MROH7: variants seen among roughly 807,000 people sequenced by gnomAD.
The protein encoded by MROH7 is maestro heat-like repeat-containing protein family member 7.
In MROH7, 113 loss-of-function variants were observed where a neutral mutation model predicts 129.2. The observed-to-expected ratio is 0.87, with a 90% CI of 0.75 to 1.02. MROH7 has a LOEUF of 1.02. Among genes scored for constraint, MROH7 ranks in the 50% least tolerant of loss-of-function variants. The pLI, the probability that MROH7 is intolerant of heterozygous loss-of-function variation, is 0.00. For synonymous variants in MROH7, 655 were observed against 667.9 expected (o/e 0.98, Z 0.30); for missense variants, 1,601 against 1,671.3 (o/e 0.96, Z 0.73).
chr1:54,682,504 C>G (rs1035228122), intron 13 of MROH7, 152 bp from the exon 14 acceptor site: 11 of 730,540 alleles, frequency 1.5e-5, no homozygotes, highest in Non-Finnish European at 2.3e-5. Flanking sequence ...GCCCCTGACT[C>G]TTTGGGAGTG....
chr1:54,687,542 A>G (rs1214422556), intron 15 of MROH7, among the ~76,000 whole-genome samples: 1 of 152,184 alleles, frequency 6.6e-6, no homozygotes, highest in Non-Finnish European at 1.5e-5. Context: ...TGTACATGTG[A>G]TTTTATATGT....
rs376187973 is a variant in MROH7 at position 54,701,963 on chromosome 1, G to C, written c.3286-127G>C. ...TCAGGTGCCTTTTAGGTTAGTGGGGGTCTGGCTGGGAAGAGTCGGGAGAGT... is the reference window on the plus strand; with the variant it reads ...TCAGGTGCCTTTTAGGTTAGTGGGGCTCTGGCTGGGAAGAGTCGGGAGAGT... On this transcript the variant is annotated intron_variant, in intron 19 of 23. Coordinates refer to ENST00000421030, the MANE Select transcript of MROH7 (RefSeq NM_001039464.4). 3.0e-5 allele frequency: 23 copies of C among 770,646 alleles called. No individual in the cohort carries two copies. In the South Asian group the frequency reaches 6.3e-4, roughly 21 times the overall value. 47.7% of individuals were successfully genotyped at this position (770,646 alleles called of 1,614,324 possible).
chr1:54,670,469 A>G (rs762740380), intron 5 of MROH7, 28 bp from the exon 6 acceptor site: 11 of 1,607,964 alleles, frequency 6.8e-6, no homozygotes, highest in South Asian at 3.3e-5. Context: ...CCCTGTCCTC[A>G]TCGGCCCTTC....
At chr1:54,709,825 G>A in intron 23 of MROH7, 121 bp from the exon 24 acceptor site, 1 of 1,178,032 alleles carries the variant, frequency 8.5e-7, no homozygotes, top group Non-Finnish European at 1.2e-6. Flanking sequence ...AGGAAAGTGA[G>A]ATGAGGGGAT....
intron 13 of MROH7, 43 bp from the exon 14 acceptor site, chr1:54,682,612 AC>A (rs1557713751): frequency 1.3e-6 from 2 of 1,581,322 alleles, no homozygotes; most frequent in South Asian, 2.3e-5. Flanking sequence ...GGTTAGCCCC[AC>A]TGCCTTGGCC....
In MROH7 at chr1:54,708,417, A is replaced by AAAACAAACAAACAAAC. The variant is rs55969302; in HGVS notation, c.3668-586_3668-571dup. Among the ~76,000 whole-genome samples the AAAACAAACAAACAAAC allele has an allele frequency of 2.5e-3, 380 of 150,672 alleles. 2 individuals carry two copies. The highest frequency in any genetic ancestry group is 7.7e-3 in the African/African-American group (313 of 40,896). ...ACTCCAGTCTGGGCAACACTGTCTAAAAACAAACAAACAAACAAACAAACA... is the reference window on the plus strand; with the variant it reads ...ACTCCAGTCTGGGCAACACTGTCTAAAAACAAACAAACAAACAAACAAACAAACAAACAAACAAACA... On this transcript the variant is annotated intron_variant, in intron 22 of 23. Coordinates refer to ENST00000421030, the MANE Select transcript of MROH7 (RefSeq NM_001039464.4).
At chr1:54,651,461 T>C (rs11206406) in intron 1 of MROH7, 12,260 of 152,414 alleles carry the variant, frequency 0.08, 607 homozygotes, top group Middle Eastern at 0.19. Flanking sequence ...GGAGTGGAGA[T>C]GGATGCCCAG....
intron 20 of MROH7, 52 bp downstream of exon 20, chr1:54,702,297 C>T (rs560275152): frequency 1.3e-4 from 175 of 1,351,320 alleles, no homozygotes; most frequent in East Asian, 7.2e-4. Context: ...GTCCTGTGGG[C>T]GCACCTCTTT....
intron 3 of MROH7, 62 bp downstream of exon 3, chr1:54,654,219 C>G: frequency 6.9e-7 from 1 of 1,456,910 alleles, no homozygotes; most frequent in South Asian, 1.4e-5. Context: ...TCTTCAGACT[C>G]TTAGGGCAGG....
At chr1:54,656,688 G>A (rs1234455599) in intron 3 of MROH7, among the ~76,000 whole-genome samples, 1 of 151,926 alleles carries the variant, frequency 6.6e-6, no homozygotes, top group Non-Finnish European at 1.5e-5. Flanking sequence ...CTGATGTGGT[G>A]GCCGGGGCCT....
At chr1:54,661,050 C>T (rs1429766877) in intron 3 of MROH7, among the ~76,000 whole-genome samples, 6 of 148,388 alleles carry the variant, frequency 4.0e-5, no homozygotes, top group African/African-American at 1.2e-4. Flanking sequence ...ACGGCATGTA[C>T]ATTTTGCTCA....
chr1:54,707,232 A>C (rs533491930), intron 22 of MROH7, among the ~76,000 whole-genome samples: 419 of 152,286 alleles, frequency 2.8e-3, no homozygotes, highest in Non-Finnish European at 5.2e-3. Context: ...GTCTCCTCCC[A>C]GTTACTCACC....
rs1269670116 is a variant in MROH7 at position 54,653,980 on chromosome 1, A to G, written c.1054A>G (p.Thr352Ala). 1 of 1,614,196 alleles carries G rather than the reference A, an allele frequency of 6.2e-7. No homozygotes were observed. Among genetic ancestry groups the G allele is most frequent in the Admixed American group, 1.7e-5 (1 of 60,018 alleles). The part of the protein sequence containing the change: ...SLLFSDTSTL[T>A]LSSQQDDAKD... ...CCTGTTCAGCGACACCTCCACCTTG[A>G]CGCTGAGCAGTCAGCAGGATGATGC... is the stretch of plus-strand genomic sequence containing the variant. The change falls in exon 3 of 24, where the codon ACG becomes GCG. Residue 352 changes from threonine (T) to alanine (A), a missense_variant. Coordinates refer to ENST00000421030, the MANE Select transcript of MROH7 (RefSeq NM_001039464.4).
chr1:54,670,003 C>CA (rs34295281), intron 5 of MROH7, among the ~76,000 whole-genome samples: 6,412 of 104,424 alleles, frequency 0.061, 259 homozygotes, highest in African/African-American at 0.1. Flanking sequence ...GACTTCATGT[C>CA]AAAAAAAAAA....
At chr1:54,699,100 TTC>T (rs201750390) in intron 17 of MROH7, 5 of 43,222 alleles carry the variant, frequency 1.2e-4, no homozygotes, top group Non-Finnish European at 1.6e-4. Flanking sequence ...GGCCTTTTCT[TTC>T]TTTCTTTCTT....
At chr1:54,696,903 C>G (rs1215808517) in intron 17 of MROH7, among the ~76,000 whole-genome samples, 1 of 151,996 alleles carries the variant, frequency 6.6e-6, no homozygotes, top group Admixed American at 6.6e-5. Flanking sequence ...AACTCCTGAC[C>G]TCAAATGATC....
rs140879972 is a variant in MROH7 at position 54,682,002 on chromosome 1, AGT to A, written c.2382-651_2382-650del. Reference sequence around the variant, plus strand: ...TTATTGTGAGAATTCAGTGATCTTGAGTGTCTTGAATCCTTGTTCATGTCTGT... The same window carrying A: ...TTATTGTGAGAATTCAGTGATCTTGAGTCTTGAATCCTTGTTCATGTCTGT... On this transcript the variant is annotated intron_variant, in intron 13 of 23. Coordinates refer to ENST00000421030, the MANE Select transcript of MROH7 (RefSeq NM_001039464.4). 3.5e-3 allele frequency among the ~76,000 whole-genome samples: 532 copies of A among 152,206 alleles called. 3 individuals are homozygous for A. The highest frequency in any genetic ancestry group is 0.012 in the African/African-American group (499 of 41,508).
At position 54,700,799 on chromosome 1, in the gene MROH7, C is replaced by G. The variant is rs149202278; in HGVS notation, c.3105+338C>G. Reference sequence around the variant, plus strand: ...ATTTTTTAAAGTGCTTTGTTTTTCTCTACCAGGCACTGTTGCAGCTCATGA... The same window carrying G: ...ATTTTTTAAAGTGCTTTGTTTTTCTGTACCAGGCACTGTTGCAGCTCATGA... On this transcript the variant is annotated intron_variant, in intron 18 of 23. Coordinates refer to ENST00000421030, the MANE Select transcript of MROH7 (RefSeq NM_001039464.4). Among the ~76,000 whole-genome samples the G allele has an allele frequency of 1.4e-4, 22 of 152,338 alleles. No individual in the cohort carries two copies. In the East Asian group the frequency reaches 4.0e-3, roughly 28 times the overall value.
At chr1:54,702,367 T>C (rs1054451204) in intron 20 of MROH7, 122 bp downstream of exon 20, 17 of 956,566 alleles carry the variant, frequency 1.8e-5, no homozygotes, top group Non-Finnish European at 2.3e-5. Flanking sequence ...TGTCCAGCCA[T>C]GTCTGTTTTC....
Sources: gnomAD v4.1 joint callset for allele counts (sites outside exome capture counted in the v4.1 genomes callset) on GRCh38, gnomAD v4.1.1 for gene constraint, MANE v1.5 for transcripts, NCBI Gene and HGNC (gene_info 2026-07-23, HGNC 2026-07-21) for gene names.